Variants in ATP1B3 observed in about 807,000 individuals in gnomAD.
ATP1B3 encodes sodium/potassium-transporting ATPase subunit beta-3.
ATP1B3 carries 10 observed loss-of-function variants against 30.2 expected under a neutral mutation model. That is an observed-to-expected ratio of 0.33 (90% CI 0.20 to 0.56). The LOEUF (loss-of-function observed/expected upper bound fraction) is 0.56, where lower values mean the gene tolerates loss of function less well. Among genes scored for constraint, ATP1B3 ranks in the 20% least tolerant of loss-of-function variants. The pLI is 0.90. For synonymous variants in ATP1B3, 113 were observed against 117.0 expected (o/e 0.97, Z 0.22); for missense variants, 238 against 336.7 (o/e 0.71, Z 2.29).
chr3:141,923,874 ATGAG>A (rs1255630993), intron 6 of ATP1B3, among the ~76,000 whole-genome samples: 4 of 152,204 alleles, frequency 2.6e-5, no homozygotes, highest in Non-Finnish European at 5.9e-5. Flanking sequence ...GCATTTTGGC[ATGAG>A]TGCCTCAAAA....
chr3:141,925,432 G>C (rs1131029), intron 6 of ATP1B3, 99 bp from the exon 7 acceptor site: 970,307 of 1,327,676 alleles, frequency 0.73, 357,108 homozygotes, highest in African/African-American at 0.94. Context: ...CTGGGCAACA[G>C]TCTCAAAAAG....
chr3:141,877,196 C>T (rs1378178804), intron 1 of ATP1B3, among the ~76,000 whole-genome samples: 4 of 142,072 alleles, frequency 2.8e-5, no homozygotes, highest in Admixed American at 6.9e-5. Flanking sequence ...CTGCCCGGGC[C>T]TCCCGCCCGG....
At chr3:141,886,206 G>A (rs1553743584) in intron 1 of ATP1B3, among the ~76,000 whole-genome samples, 1 of 151,908 alleles carries the variant, frequency 6.6e-6, no homozygotes, top group African/African-American at 2.4e-5. Flanking sequence ...GTAACCCATC[G>A]TTTCCCACCT....
At chr3:141,887,903 T>C (rs1933867406) in intron 1 of ATP1B3, among the ~76,000 whole-genome samples, 1 of 151,948 alleles carries the variant, frequency 6.6e-6, no homozygotes, top group African/African-American at 2.4e-5. Flanking sequence ...TTTAGGGCAG[T>C]GGACAGGGAG....
intron 1 of ATP1B3, among the ~76,000 whole-genome samples, chr3:141,898,573 G>A (rs1165555410): frequency 1.3e-5 from 2 of 152,188 alleles, no homozygotes; most frequent in Non-Finnish European, 2.9e-5. Flanking sequence ...TATCCACTAG[G>A]ATAGCTGTAT....
intron 2 of ATP1B3, among the ~76,000 whole-genome samples, chr3:141,905,725 A>G (rs1250572465): frequency 6.6e-6 from 1 of 152,128 alleles, no homozygotes; most frequent in Non-Finnish European, 1.5e-5. Context: ...TAATTCTAAG[A>G]TTATTCTTTA....
intron 1 of ATP1B3, among the ~76,000 whole-genome samples, chr3:141,890,086 C>CCT (rs1933913466): frequency 9.3e-6 from 1 of 107,550 alleles, no homozygotes; most frequent in Non-Finnish European, 1.8e-5. Flanking sequence ...AATTTTTTTT[C>CCT]TTTTTTTTTT....
intron 1 of ATP1B3, among the ~76,000 whole-genome samples, chr3:141,889,746 A>ATATATATAT (rs1379745968): frequency 1.2e-4 from 12 of 101,016 alleles, no homozygotes; most frequent in African/African-American, 5.5e-4. Flanking sequence ...AAAAAAAAAA[A>ATATATATAT]AAAAATATAT....
chr3:141,879,161 A>T (rs1345980191), intron 1 of ATP1B3, among the ~76,000 whole-genome samples: 3 of 152,090 alleles, frequency 2.0e-5, no homozygotes, highest in Non-Finnish European at 2.9e-5. Context: ...CATTTTTTTT[A>T]AAACAAAAGG....
Position 141,922,072 on chromosome 3 carries a change from T to C in ATP1B3, c.669+9T>C. The C allele has an allele frequency of 2.0e-6, 3 of 1,464,634 alleles. No homozygotes were observed. Among genetic ancestry groups the C allele is most frequent in the Non-Finnish European group, 1.9e-6 (2 of 1,065,414 alleles). The allele number at this position is 1,464,634 out of a possible 1,614,324, so 90.7% of individuals were successfully genotyped here. A position where few individuals can be genotyped will look rare whatever the true frequency, so the allele number is the denominator to read the frequency against. On this transcript the variant is annotated intron_variant, in intron 6 of 6. Transcript: ENST00000286371. ...ATGGGAAAAAACTGCATGTAAGTAT[T>C]GAGAAGTTCTTATGTGGTGATTACT...
At chr3:141,886,121 A>C (rs1242745299) in intron 1 of ATP1B3, among the ~76,000 whole-genome samples, 2 of 152,190 alleles carry the variant, frequency 1.3e-5, no homozygotes, top group Non-Finnish European at 2.9e-5. Flanking sequence ...TGCTTCCAGA[A>C]AGTTTAGGTA....
chr3:141,903,734 A>G lies in ATP1B3; in HGVS notation c.224A>G (p.Gln75Arg), dbSNP rs1284697089. 5 of 1,613,708 alleles carry G rather than the reference A, an allele frequency of 3.1e-6. No individual in the cohort carries two copies. The highest frequency in any genetic ancestry group is 4.2e-6 in the Non-Finnish European group (5 of 1,179,890). ...LNDEVPKYRDQIPSPGLMVFP... is the reference protein window; with the variant it reads ...LNDEVPKYRDRIPSPGLMVFP... ...GATGAGGTTCCAAAATACCGTGACC[A>G]GATTCCTAGCCCAGGTAATTATCTT... The change falls in exon 2 of 7, where the codon CAG (glutamine) becomes CGG (arginine). Residue 75 changes from glutamine to arginine, a missense_variant. Transcript: ENST00000286371.
At chr3:141,877,250 G>GCCCGAAGCCGGGCCCCA (rs1559862690) in intron 1 of ATP1B3, among the ~76,000 whole-genome samples, 1 of 100,712 alleles carries the variant, frequency 9.9e-6, no homozygotes, top group Non-Finnish European at 2.3e-5. Flanking sequence ...GCCGGGCCCC[G>GCCCGAAGCCGGGCCCCA]AGAGTGCAGG....
rs546916340 is a variant in ATP1B3 at position 141,887,954 on chromosome 3, A to G, written c.109+11044A>G. 1.2e-4 allele frequency among the ~76,000 whole-genome samples: 18 copies of G among 152,328 alleles called. 1 individual carries two copies. Among genetic ancestry groups the G allele is most frequent in the East Asian group, 1.2e-3 (6 of 5,184 alleles). On this transcript the variant is annotated intron_variant, in intron 1 of 6. Transcript: ENST00000286371. ...ACGTGACGGAACTTTCAGGGTGATGATAAGTGTTCTGTATCTTGAATAGGG... is the reference window on the plus strand; with the variant it reads ...ACGTGACGGAACTTTCAGGGTGATGGTAAGTGTTCTGTATCTTGAATAGGG...
At chr3:141,915,308 G>A (rs1165098674) in intron 4 of ATP1B3, among the ~76,000 whole-genome samples, 12 of 152,228 alleles carry the variant, frequency 7.9e-5, no homozygotes. Context: ...ATAGTTCCCA[G>A]TTAGGACGCA....
chr3:141,923,108 T>G (rs1282944618), intron 6 of ATP1B3, among the ~76,000 whole-genome samples: 1 of 152,028 alleles, frequency 6.6e-6, no homozygotes, highest in Non-Finnish European at 1.5e-5. Context: ...TGAAACCCCG[T>G]CTCTGCTGAA....
chr3:141,878,500 C>G (rs543742857), intron 1 of ATP1B3, among the ~76,000 whole-genome samples: 8 of 152,326 alleles, frequency 5.3e-5, no homozygotes, highest in African/African-American at 1.4e-4. Context: ...TCTCCCTTCC[C>G]CAGTGCTTCC....
At chr3:141,889,588 C>T (rs916839224) in intron 1 of ATP1B3, among the ~76,000 whole-genome samples, 2 of 151,410 alleles carry the variant, frequency 1.3e-5, no homozygotes, top group African/African-American at 2.4e-5. Flanking sequence ...ATTAGCTGGG[C>T]GTGGTGGCAG....
rs1338165218 is a variant in ATP1B3 at position 141,916,051 on chromosome 3, T to C, written c.582+31T>C. On this transcript the variant is annotated intron_variant, in intron 5 of 6. Coordinates refer to ENST00000286371, the MANE Select transcript of ATP1B3 (RefSeq NM_001679.4). ...TATTCAAAAAGTAACTCCTGTTAAA[T>C]CTTTGATGTTTCTTAAAATACTTTA... 2.6e-6 allele frequency: 4 copies of C among 1,554,608 alleles called. No individual in the cohort carries two copies. The African/African-American group carries it at 4.1e-5, about 16-fold the overall frequency.
Sources: gnomAD v4.1 joint callset for allele counts (sites outside exome capture counted in the v4.1 genomes callset) on GRCh38, gnomAD v4.1.1 for gene constraint, MANE v1.5 for transcripts, NCBI Gene and HGNC (gene_info 2026-07-23, HGNC 2026-07-21) for gene names.